The following CPSF7 variants were observed in gnomAD, a reference collection of about 807,000 sequenced individuals.
The protein encoded by CPSF7 is cleavage and polyadenylation specific factor 7, also known as cleavage and polyadenylation specificity factor subunit 7.
A neutral mutation model predicts 44.3 loss-of-function variants in CPSF7; 1 was observed. The ratio of observed to expected loss-of-function variants is 0.02; its 90% confidence interval spans 0.01 to 0.11. CPSF7 has a LOEUF of 0.11. CPSF7 is among the 10% of genes least tolerant of loss of function. The pLI, the probability that CPSF7 is intolerant of heterozygous loss-of-function variation, is 1.00. For missense variants in CPSF7, 443 were observed against 607.2 expected (o/e 0.73, Z 2.84); for synonymous variants, 202 against 222.0 (o/e 0.91, Z 0.80).
chr11:61,411,518 C>G (rs1422050546), intron 8 of CPSF7, among the ~76,000 whole-genome samples: 1 of 152,184 alleles, frequency 6.6e-6, no homozygotes, highest in Non-Finnish European at 1.5e-5. Flanking sequence ...CTCCAAAACC[C>G]ATGTTCTTAA....
At chr11:61,427,074 T>C (rs11230694) in intron 2 of CPSF7, 101,671 of 140,954 alleles carry the variant, frequency 0.72, 40,365 homozygotes, top group East Asian at 0.97. Flanking sequence ...AGGACCGCTC[T>C]TGTTATCTTG....
At chr11:61,427,916 G>A (rs1420878129) in intron 2 of CPSF7, among the ~76,000 whole-genome samples, 1 of 152,036 alleles carries the variant, frequency 6.6e-6, no homozygotes, top group Middle Eastern at 3.2e-3. Flanking sequence ...GCATGTATCC[G>A]CCTCTTCTGT....
chr11:61,409,712 A>G (rs1173824195), intron 9 of CPSF7, among the ~76,000 whole-genome samples: 1 of 151,096 alleles, frequency 6.6e-6, no homozygotes, highest in Non-Finnish European at 1.5e-5. Flanking sequence ...ATGGTGGCTC[A>G]CGCCTGTAAT....
chr11:61,426,657 C>G (rs1049191429), intron 2 of CPSF7: 6 of 152,158 alleles, frequency 3.9e-5, no homozygotes, highest in Non-Finnish European at 7.3e-5. Context: ...ATGAGTTCTG[C>G]GTATTTCTCA....
rs1861802076 is a variant in CPSF7, at chr11:61,429,897, C to G, written c.-56+17G>C. 2 of 1,510,904 alleles carry G rather than the reference C, an allele frequency of 1.3e-6. No homozygotes were observed. Among genetic ancestry groups the G allele is most frequent in the Admixed American group, 4.1e-5 (2 of 48,884 alleles). 93.6% of individuals were successfully genotyped at this position (1,510,904 alleles called of 1,614,324 possible). A position where few individuals can be genotyped will look rare whatever the true frequency, so the allele number is the denominator to read the frequency against. The stretch of plus-strand genomic sequence containing the variant: ...CTCTTCCGGCCCAACCTGCCCCCGA[C>G]CGCGCGCCCCCGTTACCGGGAATAT... On this transcript the variant is annotated intron_variant, in intron 1 of 9. Transcript: ENST00000439958.
intron 2 of CPSF7, among the ~76,000 whole-genome samples, chr11:61,424,224 G>A (rs770511663): frequency 2.0e-5 from 3 of 152,172 alleles, no homozygotes; most frequent in African/African-American, 7.2e-5. Flanking sequence ...AGTAAGGTGA[G>A]GTCAGCTAGG....
chr11:61,425,217 T>A (rs553363108), intron 2 of CPSF7, among the ~76,000 whole-genome samples: 9 of 152,344 alleles, frequency 5.9e-5, no homozygotes, highest in Admixed American at 2.6e-4. Context: ...AGAAACAAGG[T>A]ATCAAATTGT....
chr11:61,421,757 C>T, intron 2 of CPSF7, 149 bp from the exon 3 acceptor site: 1 of 617,556 alleles, frequency 1.6e-6, no homozygotes, highest in African/African-American at 1.8e-5. Flanking sequence ...TAAGAAAAAC[C>T]TCCTTTTGAA....
intron 9 of CPSF7, among the ~76,000 whole-genome samples, chr11:61,407,925 G>A (rs763860474): frequency 6.6e-6 from 1 of 152,162 alleles, no homozygotes; most frequent in Admixed American, 6.5e-5. Context: ...CTCACAGGTG[G>A]TGAGTTTCTT....
At chr11:61,407,051 A>G (rs1458058712) in intron 9 of CPSF7, among the ~76,000 whole-genome samples, 1 of 152,218 alleles carries the variant, frequency 6.6e-6, no homozygotes, top group Non-Finnish European at 1.5e-5. Context: ...AGTTACAGGC[A>G]TGAGCCACTG....
intron 8 of CPSF7, 103 bp from the exon 9 acceptor site, chr11:61,411,208 T>C: frequency 8.3e-7 from 1 of 1,201,568 alleles, no homozygotes; most frequent in Middle Eastern, 2.5e-4. Context: ...TATTCCTCTA[T>C]TACTCTATCA....
chr11:61,411,725 G>C, intron 8 of CPSF7, 44 bp downstream of exon 8: 1 of 1,566,852 alleles, frequency 6.4e-7, no homozygotes, highest in Non-Finnish European at 8.7e-7. Context: ...CCCTGGAAGA[G>C]TGCTGCTTGG....
intron 5 of CPSF7, among the ~76,000 whole-genome samples, chr11:61,417,216 T>C (rs1860422871): frequency 1.3e-5 from 2 of 152,196 alleles, no homozygotes; most frequent in Admixed American, 1.3e-4. Context: ...AGCAAAAGCT[T>C]GCTACAAAAC....
In CPSF7 at chr11:61,427,519, G is replaced by A. The variant is rs148385916; in HGVS notation, c.54+1663C>T. Reference sequence around the variant, plus strand: ...ATTACAAAAATTAGCCAGGTGAGGTGACCCACGCCTGTAGTCCCAGCTACT... The same window carrying A: ...ATTACAAAAATTAGCCAGGTGAGGTAACCCACGCCTGTAGTCCCAGCTACT... On this transcript the variant is annotated intron_variant, in intron 2 of 9. Transcript: ENST00000439958. Among the ~76,000 whole-genome samples, 339 of 151,982 alleles carry A rather than the reference G, an allele frequency of 2.2e-3. 11 individuals carry two copies. In the East Asian group the frequency reaches 0.056, roughly 25 times the overall value.
chr11:61,419,989 G>C lies in CPSF7; in HGVS notation c.483C>G (p.Thr161=). The stretch of plus-strand genomic sequence containing the variant: ...CCTCAAACTGTGACAGGTTCTGCCG[G>C]GTGGCCGGCCTCACGTCCACTTTTT... ...NGEKVDVRPA[T]RQNLSQFEAQ... Residue 161 remains threonine, a synonymous_variant, in exon 5 of 10, where the codon ACC becomes ACG. Coordinates refer to ENST00000439958, the MANE Select transcript of CPSF7 (RefSeq NM_001142565.3). 1 of 1,614,106 alleles carries C rather than the reference G, an allele frequency of 6.2e-7. No homozygotes were observed. Among genetic ancestry groups the C allele is most frequent in the Non-Finnish European group, 8.5e-7 (1 of 1,180,012 alleles).
At chr11:61,423,063 G>T (rs1040984804) in intron 2 of CPSF7, among the ~76,000 whole-genome samples, 3 of 119,908 alleles carry the variant, frequency 2.5e-5, no homozygotes, top group Non-Finnish European at 4.8e-5. Flanking sequence ...GGAGGTTGAG[G>T]TTGCAGTGAG....
intron 2 of CPSF7, among the ~76,000 whole-genome samples, chr11:61,424,695 C>T (rs1861189439): frequency 6.6e-6 from 1 of 152,200 alleles, no homozygotes; most frequent in African/African-American, 2.4e-5. Flanking sequence ...TCAGGTGATC[C>T]TCCCACCTCA....
At chr11:61,425,880 T>A (rs1046182767) in intron 2 of CPSF7, among the ~76,000 whole-genome samples, 3 of 152,160 alleles carry the variant, frequency 2.0e-5, no homozygotes, top group Admixed American at 1.3e-4. Context: ...CCTGGCACAG[T>A]GCTTAGCAAA....
intron 2 of CPSF7, among the ~76,000 whole-genome samples, chr11:61,427,810 T>C (rs1186169298): frequency 6.6e-6 from 1 of 152,240 alleles, no homozygotes; most frequent in Admixed American, 6.5e-5. Context: ...TACATTATTC[T>C]GCTTTTGTGT....
Sources: allele counts gnomAD v4.1 joint callset (sites outside exome capture counted in the v4.1 genomes callset), GRCh38; gene constraint gnomAD v4.1.1; transcripts MANE v1.5; gene names NCBI Gene and HGNC (gene_info 2026-07-23, HGNC 2026-07-21).